CEP250: variants seen among roughly 807,000 people sequenced by gnomAD.
The protein encoded by CEP250 is centrosome-associated protein CEP250.
In CEP250, 242 loss-of-function variants were observed where a neutral mutation model predicts 315.7. That is an observed-to-expected ratio of 0.77 (90% confidence interval 0.69 to 0.85). The LOEUF (loss-of-function observed/expected upper bound fraction) is 0.85, where lower values mean the gene tolerates loss of function less well. Ranked by LOEUF, CEP250 falls within the 40% of genes least tolerant of loss-of-function variation. The probability of loss-of-function intolerance (pLI) is 0.00; values close to 1 mark genes in which losing one functional copy is unlikely to be tolerated. For missense variants in CEP250, 2,515 were observed against 2,886.4 expected (o/e 0.87, Z 2.95); for synonymous variants, 1,088 against 1,175.0 (o/e 0.93, Z 1.51).
chr20:35,456,495 T>C (rs2062629029), intron 1 of CEP250, among the ~76,000 whole-genome samples: 1 of 152,114 alleles, frequency 6.6e-6, no homozygotes, highest in Admixed American at 6.6e-5. Flanking sequence ...GGTCCCAGAT[T>C]TATAGAGGTC....
At chr20:35,471,711 A>G (rs6120954) in intron 10 of CEP250, among the ~76,000 whole-genome samples, 48,772 of 152,144 alleles carry the variant, frequency 0.32, 8,696 homozygotes, top group South Asian at 0.5. Context: ...ATATTGAATA[A>G]TTTACATGCA....
rs756833778 is a variant in CEP250 at position 35,504,483 on chromosome 20, G to A, written c.6114G>A (p.Gln2038=). The A allele has an allele frequency of 1.4e-4, 231 of 1,613,544 alleles. No individual in the cohort carries two copies. The Admixed American group carries it at 3.8e-3, about 26-fold the overall frequency. Residue 2038 remains glutamine (Q), a synonymous_variant, in exon 30 of 35, where the codon CAG becomes CAA. Coordinates refer to ENST00000397527, the MANE Select transcript of CEP250 (RefSeq NM_007186.6). ...ATCTCCGATACCAGGAGGATGTGCA[G>A]CAGCTGCAGCAGGCACTTGCCCAGA... The part of the protein sequence containing the change: ...DQDLRYQEDV[Q]QLQQALAQRD...
rs150245146 is a variant in CEP250, at chr20:35,515,579, T to A, written c.*3953T>A. The stretch of plus-strand genomic sequence containing the variant: ...AGGCCTGAGGCTTTGCCTGCAGGCC[T>A]CATCTCAGCCCATGGGACAGATTCC... On this transcript the variant is annotated 3_prime_UTR_variant, in exon 35 of 35. Transcript: ENST00000397527. The A allele has an allele frequency of 6.6e-6, 1 of 152,350 alleles. No individual in the cohort carries two copies. The highest frequency in any genetic ancestry group is 1.9e-4 in the East Asian group (1 of 5,186). The allele number at this position is 152,350 out of a possible 1,614,324, so 9.4% of individuals were successfully genotyped here.
chr20:35,475,365 C>A, intron 14 of CEP250, 137 bp from the exon 15 acceptor site: 1 of 894,970 alleles, frequency 1.1e-6, no homozygotes, highest in Non-Finnish European at 1.7e-6. Flanking sequence ...CTTGACATGT[C>A]TTAGAAATCT....
At chr20:35,486,668 A>AG (rs776405571) in intron 20 of CEP250, among the ~76,000 whole-genome samples, 3 of 152,166 alleles carry the variant, frequency 2.0e-5, no homozygotes, top group Non-Finnish European at 4.4e-5. Flanking sequence ...TCGTAGCTGG[A>AG]GGGTTCAGAG....
chr20:35,508,513 C>CTATGTT (rs2064261100), intron 32 of CEP250, among the ~76,000 whole-genome samples: 1 of 152,148 alleles, frequency 6.6e-6, no homozygotes, highest in Admixed American at 6.5e-5. Flanking sequence ...TGGTGTTTCA[C>CTATGTT]TATGTTGGCC....
chr20:35,464,851 G>T (rs224353), intron 5 of CEP250, among the ~76,000 whole-genome samples: 5 of 151,762 alleles, frequency 3.3e-5, no homozygotes, highest in African/African-American at 7.3e-5. Context: ...GAACCCAGGA[G>T]GCAGAGGTTG....
intron 30 of CEP250, among the ~76,000 whole-genome samples, chr20:35,507,452 C>T (rs2064218697): frequency 6.6e-6 from 1 of 152,228 alleles, no homozygotes; most frequent in African/African-American, 2.4e-5. Context: ...CACAGCACAT[C>T]AGTGCTCTGA....
intron 22 of CEP250, among the ~76,000 whole-genome samples, chr20:35,493,189 G>A (rs919018910): frequency 6.6e-6 from 1 of 151,910 alleles, no homozygotes; most frequent in Non-Finnish European, 1.5e-5. Flanking sequence ...GTAGGGATAT[G>A]GTTAGGAGAC....
In CEP250 at chr20:35,503,530, C is replaced by T. The variant is rs754782740; in HGVS notation, c.5161C>T (p.Arg1721Cys). The T allele has an allele frequency of 1.4e-4, 224 of 1,613,858 alleles. 3 individuals are homozygous for T. The Admixed American group carries it at 3.6e-3, about 26-fold the overall frequency. ...AGGGAAGGGCCCAAGTAAAGCACAGCGCGGGAGCCTAGAGCACATGAAGCT... is the reference window on the plus strand; with the variant it reads ...AGGGAAGGGCCCAAGTAAAGCACAGTGCGGGAGCCTAGAGCACATGAAGCT... ...EEGKGPSKAQ[R>C]GSLEHMKLIL... Residue 1721 changes from arginine (R) to cysteine (C), a missense_variant, in exon 30 of 35, where the codon CGC becomes TGC. Transcript: ENST00000397527. The surrounding 1 kb of genome is among the most constrained non-coding windows in gnomAD (Gnocchi z 4.2).
intron 19 of CEP250, 70 bp from the exon 20 acceptor site, chr20:35,479,906 C>T: frequency 6.3e-7 from 1 of 1,596,706 alleles, no homozygotes. Context: ...CTCATGAGGT[C>T]AGGGGAGAGG....
chr20:35,455,646 C>G lies in CEP250; in HGVS notation c.-403C>G, dbSNP rs2062602148. The G allele has an allele frequency of 6.6e-6, 1 of 152,246 alleles. No homozygotes were observed. The highest frequency in any genetic ancestry group is 6.5e-5 in the Admixed American group (1 of 15,286). 9.4% of individuals were successfully genotyped at this position (152,246 alleles called of 1,614,324 possible). The stretch of plus-strand genomic sequence containing the variant: ...GGAGCTCCCATTCTTCAGGACCCTG[C>G]TGAAGTATCGCTTCTCAGCCGCCTT... On this transcript the variant is annotated 5_prime_UTR_variant, in exon 1 of 35. Transcript: ENST00000397527.
In CEP250 at chr20:35,473,309, C is replaced by T. The variant is rs551394756; in HGVS notation, c.1210-65C>T. On this transcript the variant is annotated intron_variant, in intron 12 of 34. Transcript: ENST00000397527. ...CGACCCCCTTCTCCAGCCCCACTTTCGGGGTTCTGACATCCCTCCTTTGCC... is the reference window on the plus strand; with the variant it reads ...CGACCCCCTTCTCCAGCCCCACTTTTGGGGTTCTGACATCCCTCCTTTGCC... The T allele has an allele frequency of 2.2e-5, 31 of 1,440,160 alleles. No homozygotes were observed. The African/African-American group carries it at 2.3e-4, about 11-fold the overall frequency. The allele number at this position is 1,440,160 out of a possible 1,614,324, so 89.2% of individuals were successfully genotyped here. A position where few individuals can be genotyped will look rare whatever the true frequency, so the allele number is the denominator to read the frequency against.
Position 35,504,869 on chromosome 20 carries a change from T to C in CEP250, c.6500T>C (p.Ile2167Thr). ...CTGAGACAGACAGAAGCCAGGGAGA[T>C]TGAGTGGAGGGAGAAGGCCCAGGAC... is the stretch of plus-strand genomic sequence containing the variant. ...AALRQTEARE[I>T]EWREKAQDLA... The change falls in exon 30 of 35, where the codon ATT becomes ACT. Residue 2167 changes from isoleucine (I) to threonine (T), a missense_variant. Physicochemically the swap from Ile to Thr is moderately conservative, Grantham distance 89. Coordinates refer to ENST00000397527, the MANE Select transcript of CEP250 (RefSeq NM_007186.6). The C allele has an allele frequency of 1.2e-6, 2 of 1,613,918 alleles. No homozygotes were observed. The highest frequency in any genetic ancestry group is 1.7e-6 in the Non-Finnish European group (2 of 1,179,968).
At chr20:35,484,519 C>T (rs1163247760) in intron 20 of CEP250, among the ~76,000 whole-genome samples, 4 of 152,082 alleles carry the variant, frequency 2.6e-5, no homozygotes, top group Non-Finnish European at 1.5e-5. Flanking sequence ...CTCTCCACAT[C>T]CCTCCAGTTT....
At position 35,497,915 on chromosome 20, in the gene CEP250, C is replaced by T. The variant is rs1469979567; in HGVS notation, c.3503C>T (p.Ala1168Val). 2.5e-6 allele frequency: 4 copies of T among 1,610,134 alleles called. No individual in the cohort carries two copies. The highest frequency in any genetic ancestry group is 1.3e-5 in the African/African-American group (1 of 74,864). ...STESQLEALAAEQQPGNQAQA... is the reference protein window; with the variant it reads ...STESQLEALAVEQQPGNQAQA... Reference sequence around the variant, plus strand: ...GAGAGCCAGCTAGAAGCGCTGGCCGCAGAGCAGCAGCCCGGGAACCAGGCC... The same window carrying T: ...GAGAGCCAGCTAGAAGCGCTGGCCGTAGAGCAGCAGCCCGGGAACCAGGCC... Residue 1168 changes from alanine to valine, a missense_variant, in exon 26 of 35, where the codon GCA (alanine) becomes GTA (valine). Physicochemically the swap from Ala to Val is moderately conservative, Grantham distance 64. Coordinates refer to ENST00000397527, the MANE Select transcript of CEP250 (RefSeq NM_007186.6).
chr20:35,472,955 C>T (rs557697367), intron 12 of CEP250, 124 bp downstream of exon 12: 1 of 918,984 alleles, frequency 1.1e-6, no homozygotes, highest in Admixed American at 2.6e-5. Context: ...GGTGTTCTGT[C>T]AATATCCCAG....
Position 35,478,108 on chromosome 20 carries a change from A to G in CEP250, c.2094+7A>G. On this transcript the variant is annotated splice_region_variant and intron_variant, in intron 17 of 34. Coordinates refer to ENST00000397527, the MANE Select transcript of CEP250 (RefSeq NM_007186.6). ...TCAAAAGAAACTAAGTGAGGTGAGA[A>G]GCCAAAATGGACACCATCATGTCTA... is the stretch of plus-strand genomic sequence containing the variant. The G allele has an allele frequency of 6.3e-7, 1 of 1,578,874 alleles. No homozygotes were observed. The highest frequency in any genetic ancestry group is 8.7e-7 in the Non-Finnish European group (1 of 1,148,774).
At chr20:35,472,183 G>A (rs778930748) in intron 11 of CEP250, 32 bp downstream of exon 11, 2 of 1,308,630 alleles carry the variant, frequency 1.5e-6, no homozygotes, top group Non-Finnish European at 2.2e-6. Context: ...ATGGTAACCA[G>A]GTTATGCCTC....
Sources: gnomAD v4.1 joint callset for allele counts (sites outside exome capture counted in the v4.1 genomes callset) on GRCh38, gnomAD v4.1.1 for gene constraint, Gnocchi (gnomAD v3.1) non-coding constraint, MANE v1.5 for transcripts, NCBI Gene and HGNC (gene_info 2026-07-23, HGNC 2026-07-21) for gene names.